Variants in DIP2B observed in about 807,000 individuals in gnomAD.
The protein encoded by DIP2B is DIP2 acetate--CoA ligase B (putative), also known as disco-interacting protein 2 homolog B.
A neutral mutation model predicts 198.0 loss-of-function variants in DIP2B; 76 were observed. The observed-to-expected ratio is 0.38, with a 90% CI of 0.32 to 0.46. DIP2B has a LOEUF of 0.46. DIP2B is among the 20% of genes least tolerant of loss of function. DIP2B has a pLI of 0.99. For synonymous variants in DIP2B, 701 were observed against 739.1 expected, an observed-to-expected ratio of 0.95 and a Z score of 0.84; for missense variants, 1,559 against 1,978.4, an observed-to-expected ratio of 0.79 and a Z score of 4.02.
chr12:50,698,074 T>C (rs921764225), intron 17 of DIP2B, among the ~76,000 whole-genome samples: 3 of 151,912 alleles, frequency 2.0e-5, no homozygotes, highest in Non-Finnish European at 1.5e-5. Context: ...TTTGTATTTT[T>C]TGTAGAGATG....
At position 50,560,312 on chromosome 12, in the gene DIP2B, G is replaced by A. The variant is rs187692719; in HGVS notation, c.100+55072G>A. 5.1e-3 allele frequency among the ~76,000 whole-genome samples: 770 copies of A among 150,784 alleles called. 10 individuals are homozygous for A. The highest frequency in any genetic ancestry group is 0.018 in the African/African-American group (729 of 41,038). ...CGGGAGGCTGAGGCAGGAAAATGGCGTGAACCTGGGAGGTGGAGCTTGCAG... is the reference window on the plus strand; with the variant it reads ...CGGGAGGCTGAGGCAGGAAAATGGCATGAACCTGGGAGGTGGAGCTTGCAG... On this transcript the variant is annotated intron_variant, in intron 1 of 37. Coordinates refer to ENST00000301180, the MANE Select transcript of DIP2B (RefSeq NM_173602.3).
chr12:50,708,565 G>T lies in DIP2B; in HGVS notation c.2649+3G>T. On this transcript the variant is annotated splice_donor_region_variant and intron_variant, in intron 22 of 37. Coordinates refer to ENST00000301180, the MANE Select transcript of DIP2B (RefSeq NM_173602.3). ...AGTGGATGAGCCGCGTGCTGCAGGT[G>T]AGCACACTTTGGGGTCTGTGTCAGG... 2 of 1,581,258 alleles carry T rather than the reference G, an allele frequency of 1.3e-6. No individual in the cohort carries two copies. Among genetic ancestry groups the T allele is most frequent in the South Asian group, 1.2e-5 (1 of 86,692 alleles).
chr12:50,615,555 T>G (rs1937684176), intron 1 of DIP2B, among the ~76,000 whole-genome samples: 1 of 152,202 alleles, frequency 6.6e-6, no homozygotes, highest in Admixed American at 6.5e-5. Flanking sequence ...GCGTTGTATC[T>G]TATTTTTTTA....
chr12:50,560,034 C>T (rs10876057), intron 1 of DIP2B, among the ~76,000 whole-genome samples: 132,541 of 151,984 alleles, frequency 0.87, 58,964 homozygotes, highest in Non-Finnish European at 0.98. Flanking sequence ...CTCATCACTT[C>T]GGGAGGCCGA....
chr12:50,734,126 T>A lies in DIP2B; in HGVS notation c.3982-9T>A, dbSNP rs1381159965. ...ATTCTAAACAACGCATTGATTTGTC[T>A]TTCTTTAGGGAACCTCAGGGCCTGA... On this transcript the variant is annotated splice_polypyrimidine_tract_variant and intron_variant, in intron 32 of 37. Transcript: ENST00000301180. 3.7e-6 allele frequency: 6 copies of A among 1,613,518 alleles called. No individual in the cohort carries two copies. Among genetic ancestry groups the A allele is most frequent in the Non-Finnish European group, 5.1e-6 (6 of 1,179,510 alleles).
At chr12:50,602,277 AT>A (rs968382045) in intron 1 of DIP2B, among the ~76,000 whole-genome samples, 25 of 151,498 alleles carry the variant, frequency 1.7e-4, no homozygotes, top group Non-Finnish European at 2.8e-4. Flanking sequence ...ATCTAAATTA[AT>A]TTTTTTTTGA....
At chr12:50,703,757 A>G (rs1429449971) in intron 19 of DIP2B, among the ~76,000 whole-genome samples, 1 of 152,104 alleles carries the variant, frequency 6.6e-6, no homozygotes, top group Non-Finnish European at 1.5e-5. Flanking sequence ...ACCAACGACT[A>G]TGCTGTCCTG....
intron 1 of DIP2B, among the ~76,000 whole-genome samples, chr12:50,560,413 A>G (rs1229627881): frequency 6.6e-6 from 1 of 151,516 alleles, no homozygotes; most frequent in Non-Finnish European, 1.5e-5. Flanking sequence ...AAAAAAAGCA[A>G]AAAACTTAGC....
chr12:50,544,313 C>T (rs1487108514), intron 1 of DIP2B, among the ~76,000 whole-genome samples: 1 of 152,106 alleles, frequency 6.6e-6, no homozygotes, highest in Non-Finnish European at 1.5e-5. Context: ...AGTAAATTCC[C>T]TTCCAGTCAC....
intron 1 of DIP2B, among the ~76,000 whole-genome samples, chr12:50,554,226 G>A (rs1958450014): frequency 6.6e-6 from 1 of 151,736 alleles, no homozygotes; most frequent in Admixed American, 6.6e-5. Flanking sequence ...ATCATATACT[G>A]GCTTCCCACC....
In DIP2B at chr12:50,714,375, T is replaced by C. The variant is rs1358613983; in HGVS notation, c.2650-20T>C. ...TAATAGAAGTGATCTCACTGAGTAT[T>C]TTTGTTTGTATTTTTCTAGGCGATC... On this transcript the variant is annotated intron_variant, in intron 22 of 37. Coordinates refer to ENST00000301180, the MANE Select transcript of DIP2B (RefSeq NM_173602.3). 6.2e-7 allele frequency: 1 copy of C among 1,614,016 alleles called. No homozygotes were observed. Among genetic ancestry groups the C allele is most frequent in the Admixed American group, 1.7e-5 (1 of 60,020 alleles).
chr12:50,535,136 G>A (rs1958252170), intron 1 of DIP2B, among the ~76,000 whole-genome samples: 1 of 152,156 alleles, frequency 6.6e-6, no homozygotes, highest in Admixed American at 6.6e-5. Context: ...GGATGCTAAG[G>A]TGGGAGACTC....
chr12:50,597,428 A>G (rs1958888123), intron 1 of DIP2B, among the ~76,000 whole-genome samples: 1 of 152,252 alleles, frequency 6.6e-6, no homozygotes, highest in Non-Finnish European at 1.5e-5. Flanking sequence ...GTACGCAGAC[A>G]GCAGCTATCT....
intron 3 of DIP2B, chr12:50,657,200 T>C (rs998088217): frequency 3.3e-5 from 4 of 122,116 alleles, no homozygotes; most frequent in Non-Finnish European, 3.2e-5. Flanking sequence ...CTGGGCAACA[T>C]AGGGAGACCC....
chr12:50,659,530 G>T (rs1938609571), intron 3 of DIP2B, among the ~76,000 whole-genome samples: 1 of 148,750 alleles, frequency 6.7e-6, no homozygotes, highest in Non-Finnish European at 1.5e-5. Context: ...ATTCAATTTT[G>T]TGGAACTATA....
chr12:50,540,229 T>G (rs1958310566), intron 1 of DIP2B, among the ~76,000 whole-genome samples: 1 of 150,332 alleles, frequency 6.7e-6, no homozygotes, highest in Admixed American at 6.7e-5. Flanking sequence ...TGCCTCAGCC[T>G]CCCGAGTAGC....
intron 1 of DIP2B, among the ~76,000 whole-genome samples, chr12:50,508,222 T>G (rs548783615): frequency 6.6e-6 from 1 of 152,324 alleles, no homozygotes; most frequent in South Asian, 2.1e-4. Flanking sequence ...AAAACTGAAT[T>G]TCCACATAAG....
chr12:50,722,694 A>G, intron 26 of DIP2B, among the ~76,000 whole-genome samples: 1 of 152,194 alleles, frequency 6.6e-6, no homozygotes, highest in East Asian at 1.9e-4. Context: ...ACGGGGAAGG[A>G]CCTGAGCTCT....
chr12:50,651,383 G>A (rs1203877791), intron 3 of DIP2B, among the ~76,000 whole-genome samples: 6 of 152,002 alleles, frequency 3.9e-5, no homozygotes, highest in Admixed American at 2.6e-4. Flanking sequence ...TTTTGCTGTC[G>A]CGTTCAATAA....
Sources: allele counts gnomAD v4.1 joint callset (sites outside exome capture counted in the v4.1 genomes callset), GRCh38; gene constraint gnomAD v4.1.1; transcripts MANE v1.5; gene names NCBI Gene and HGNC (gene_info 2026-07-23, HGNC 2026-07-21).